The following MLPH variants were observed in gnomAD, a reference collection of about 807,000 sequenced individuals.
MLPH encodes exophilin-3.
Under a neutral mutation model 72.1 loss-of-function variants are expected in MLPH, and 51 were observed. The ratio of observed to expected loss-of-function variants is 0.71; its 90% CI spans 0.56 to 0.89. The LOEUF (loss-of-function observed/expected upper bound fraction) is 0.89. Among genes scored for constraint, MLPH ranks in the 40% least tolerant of loss-of-function variants. The probability of loss-of-function intolerance (pLI) is 0.00; values close to 1 mark genes in which losing one functional copy is unlikely to be tolerated. For missense variants in MLPH, 743 were observed against 759.9 expected (o/e 0.98, Z 0.26); for synonymous variants, 301 against 310.1 (o/e 0.97, Z 0.31).
chr2:237,511,129 T>C (rs1356991658), intron 4 of MLPH, 28 bp downstream of exon 4: 33 of 1,572,478 alleles, frequency 2.1e-5, no homozygotes, highest in Non-Finnish European at 2.9e-5. Context: ...AGAACGGCTT[T>C]TTGTTCCCAG....
chr2:237,540,610 ACCCTCCC>A, intron 10 of MLPH, 77 bp downstream of exon 10: 2 of 1,534,180 alleles, frequency 1.3e-6, no homozygotes, highest in Non-Finnish European at 1.8e-6. Flanking sequence ...GCTGGCAGCC[ACCCTCCC>A]CAGGGAGGCA....
intron 2 of MLPH, among the ~76,000 whole-genome samples, chr2:237,500,314 G>T (rs1337912837): frequency 6.6e-6 from 1 of 152,174 alleles, no homozygotes; most frequent in African/African-American, 2.4e-5. Flanking sequence ...TTCTAGACCA[G>T]CACTGCCTGA....
intron 2 of MLPH, among the ~76,000 whole-genome samples, chr2:237,502,569 C>T (rs1438040269): frequency 6.6e-6 from 1 of 152,168 alleles, no homozygotes; most frequent in Admixed American, 6.5e-5. Flanking sequence ...TTCTCCAAAC[C>T]CAGGAAGAAC....
At chr2:237,530,640 CT>C (rs1455414218) in intron 8 of MLPH, among the ~76,000 whole-genome samples, 1 of 152,228 alleles carries the variant, frequency 6.6e-6, no homozygotes, top group Non-Finnish European at 1.5e-5. Flanking sequence ...ACTCTTGCCC[CT>C]GAGCATAGCC....
chr2:237,528,389 G>C (rs922739172), intron 8 of MLPH, among the ~76,000 whole-genome samples: 27 of 150,236 alleles, frequency 1.8e-4, no homozygotes, highest in African/African-American at 5.7e-4. Context: ...CTCCCTCTGT[G>C]GCCCAGGCTG....
intron 4 of MLPH, among the ~76,000 whole-genome samples, chr2:237,517,713 A>ATGGG: frequency 7.7e-6 from 1 of 130,290 alleles, no homozygotes; most frequent in Non-Finnish European, 1.7e-5. Context: ...GGATGGATGG[A>ATGGG]TGGATAAGTA....
intron 6 of MLPH, among the ~76,000 whole-genome samples, chr2:237,521,373 G>A (rs1343848681): frequency 6.6e-6 from 1 of 152,178 alleles, no homozygotes; most frequent in African/African-American, 2.4e-5. Flanking sequence ...GATAACAAGG[G>A]AGGAGGAGGT....
At chr2:237,506,805 C>A (rs6712103) in intron 2 of MLPH, among the ~76,000 whole-genome samples, 222 of 152,188 alleles carry the variant, frequency 1.5e-3, no homozygotes, top group African/African-American at 5.2e-3. Flanking sequence ...GGGCATAAGA[C>A]AATATGAGGG....
chr2:237,554,079 T>C lies in MLPH; in HGVS notation c.*487T>C. 1 of 294,592 alleles carries C rather than the reference T, an allele frequency of 3.4e-6. No homozygotes were observed. Among genetic ancestry groups the C allele is most frequent in the Non-Finnish European group, 6.7e-6 (1 of 149,450 alleles). The allele number at this position is 294,592 out of a possible 1,614,324, so 18.2% of individuals were successfully genotyped here. On this transcript the variant is annotated 3_prime_UTR_variant, in exon 16 of 16. Transcript: ENST00000264605. ...TGTGGGTGTGACTGGATATTAGACATCCGGACAAGTGACTGAACTAATGAT... is the reference window on the plus strand; with the variant it reads ...TGTGGGTGTGACTGGATATTAGACACCCGGACAAGTGACTGAACTAATGAT...
chr2:237,542,711 G>C lies in MLPH; in HGVS notation c.1539+52G>C, dbSNP rs778879591. The C allele has an allele frequency of 6.7e-6, 9 of 1,352,136 alleles. No individual in the cohort carries two copies. The South Asian group carries it at 1.0e-4, about 15-fold the overall frequency. The allele number at this position is 1,352,136 out of a possible 1,614,324, so 83.8% of individuals were successfully genotyped here. On this transcript the variant is annotated intron_variant, in intron 12 of 15. Coordinates refer to ENST00000264605, the MANE Select transcript of MLPH (RefSeq NM_024101.7). Reference sequence around the variant, plus strand: ...GACAGTGCTGAGTGGGGGGGCAGTGGTGAGTGGCGGACAGTGGTGAGTGGG... The same window carrying C: ...GACAGTGCTGAGTGGGGGGGCAGTGCTGAGTGGCGGACAGTGGTGAGTGGG...
intron 2 of MLPH, among the ~76,000 whole-genome samples, chr2:237,503,087 C>A (rs1346888273): frequency 6.6e-6 from 1 of 152,154 alleles, no homozygotes; most frequent in African/African-American, 2.4e-5. Flanking sequence ...CCACTTCAGT[C>A]CAGCCTGGGC....
Position 237,510,358 on chromosome 2 carries a change from C to T in MLPH, c.111-216C>T. On this transcript the variant is annotated intron_variant, in intron 2 of 15. Transcript: ENST00000264605. The surrounding 1 kb of genome is among the most constrained non-coding windows in gnomAD (Gnocchi z 4.4). Reference sequence around the variant, plus strand: ...AAATTAACGTGTTTCCATTCCATTCCAGCCACCAAAATTGCCCGTTTGAGC... The same window carrying T: ...AAATTAACGTGTTTCCATTCCATTCTAGCCACCAAAATTGCCCGTTTGAGC... 1 of 622,710 alleles carries T rather than the reference C, an allele frequency of 1.6e-6. No individual in the cohort carries two copies. The highest frequency in any genetic ancestry group is 1.9e-5 in the South Asian group (1 of 51,982). 38.6% of individuals were successfully genotyped at this position (622,710 alleles called of 1,614,324 possible). A position where few individuals can be genotyped will look rare whatever the true frequency, so the allele number is the denominator to read the frequency against.
chr2:237,488,844 C>T (rs578119016), intron 1 of MLPH, among the ~76,000 whole-genome samples: 2 of 152,300 alleles, frequency 1.3e-5, no homozygotes, highest in Admixed American at 1.3e-4. Flanking sequence ...AACCACAATG[C>T]AATAACGGCT....
At chr2:237,497,573 T>C (rs933015254) in intron 2 of MLPH, among the ~76,000 whole-genome samples, 25 of 152,278 alleles carry the variant, frequency 1.6e-4, no homozygotes, top group African/African-American at 6.0e-4. Flanking sequence ...CCAGGTGGTG[T>C]GGACGCTGTG....
At chr2:237,549,698 G>T (rs1328460949) in intron 14 of MLPH, among the ~76,000 whole-genome samples, 1 of 152,096 alleles carries the variant, frequency 6.6e-6, no homozygotes, top group Non-Finnish European at 1.5e-5. Flanking sequence ...CCGGGCTCTT[G>T]GGGTATCTGT....
At position 237,541,499 on chromosome 2, in the gene MLPH, G is replaced by A. The variant is rs568266000; in HGVS notation, c.1446+542G>A. Among the ~76,000 whole-genome samples the A allele has an allele frequency of 1.4e-3, 217 of 152,288 alleles. No individual in the cohort carries two copies. The highest frequency in any genetic ancestry group is 0.014 in the Middle Eastern group (4 of 294). ...ACAGAGAGGAGAGGGGGTGCCTCTC[G>A]GACTGTGAGGACAGCCAGCCCCCAC... On this transcript the variant is annotated intron_variant, in intron 11 of 15. Coordinates refer to ENST00000264605, the MANE Select transcript of MLPH (RefSeq NM_024101.7). This position sits in a 1 kb window ranked among gnomAD's most constrained non-coding sequence, Gnocchi z 5.1.
At position 237,493,648 on chromosome 2, in the gene MLPH, T is replaced by C. The variant is rs2079474665; in HGVS notation, c.110+112T>C. On this transcript the variant is annotated intron_variant, in intron 2 of 15. Coordinates refer to ENST00000264605, the MANE Select transcript of MLPH (RefSeq NM_024101.7). Reference sequence around the variant, plus strand: ...CAGCCACGTGCAGGGTGAAGAGTGATGGACAGGAAGCCAGGTCTGGGACAC... The same window carrying C: ...CAGCCACGTGCAGGGTGAAGAGTGACGGACAGGAAGCCAGGTCTGGGACAC... The C allele has an allele frequency of 1.3e-5, 10 of 782,368 alleles. No homozygotes were observed. In the South Asian group the frequency reaches 1.4e-4, roughly 11 times the overall value. 48.5% of individuals were successfully genotyped at this position (782,368 alleles called of 1,614,324 possible).
intron 6 of MLPH, among the ~76,000 whole-genome samples, chr2:237,521,522 G>A (rs527315596): frequency 1.2e-4 from 18 of 152,298 alleles, no homozygotes; most frequent in Admixed American, 3.9e-4. Context: ...GGAATGCTAG[G>A]TGTGGCTGAT....
At chr2:237,524,985 GTCCTAAGTGCGCATTTCCTCTGGCC>G (rs1284497662) in intron 6 of MLPH, among the ~76,000 whole-genome samples, 1 of 152,184 alleles carries the variant, frequency 6.6e-6, no homozygotes, top group Non-Finnish European at 1.5e-5. Context: ...ACTGGAGGCT[GTCCTAAGTGCGCATTTCCTCTGGCC>G]TCCACCCCCC....
Sources: allele counts gnomAD v4.1 joint callset (sites outside exome capture counted in the v4.1 genomes callset), GRCh38; gene constraint gnomAD v4.1.1; non-coding constraint Gnocchi (gnomAD v3.1); transcripts MANE v1.5; gene names NCBI Gene and HGNC (gene_info 2026-07-23, HGNC 2026-07-21).